Variants in CHD2 observed in about 807,000 individuals in gnomAD.
CHD2 encodes the protein chromodomain helicase DNA binding protein 2.
In CHD2, 28 loss-of-function variants were observed where a neutral mutation model predicts 243.9. The observed-to-expected ratio is 0.11, with a 90% CI of 0.09 to 0.16. The LOEUF (loss-of-function observed/expected upper bound fraction) is 0.16, where lower values mean the gene tolerates loss of function less well. CHD2 is among the 10% of genes least tolerant of loss of function. CHD2 has a pLI of 1.00. For missense variants in CHD2, 1,386 were observed against 2,209.8 expected (o/e 0.63, Z 7.47); for synonymous variants, 775 against 779.0 (o/e 0.99, Z 0.09).
chr15:92,974,706 G>A (rs2053884863), intron 19 of CHD2, 173 bp from the exon 20 acceptor site: 2 of 539,554 alleles, frequency 3.7e-6, no homozygotes, highest in Non-Finnish European at 6.7e-6. Context: ...AGCTCAGGTC[G>A]AGTAGGGTAG....
At chr15:92,962,704 C>G (rs1319951026) in intron 16 of CHD2, among the ~76,000 whole-genome samples, 1 of 152,078 alleles carries the variant, frequency 6.6e-6, no homozygotes, top group Non-Finnish European at 1.5e-5. Flanking sequence ...TTTCTAACTG[C>G]CAGTTTAGTT....
chr15:92,923,765 C>T (rs1298902126), intron 2 of CHD2, among the ~76,000 whole-genome samples: 2 of 151,910 alleles, frequency 1.3e-5, no homozygotes, highest in East Asian at 1.9e-4. Flanking sequence ...GGGGTTTCAC[C>T]GTGTGGTCCA....
Position 92,956,581 on chromosome 15 carries a change from T to A in CHD2, c.1932T>A (p.Ile644=). ...IDFKSNHRLL[I]TGTPLQNSLK... ...TCAAGTCCAACCATAGGCTCCTGAT[T>A]ACGGGGACCCCTCTTCAGAATTCCC... is the stretch of plus-strand genomic sequence containing the variant. Residue 644 remains isoleucine (I), a synonymous_variant, in exon 16 of 39, where the codon ATT becomes ATA. Transcript: ENST00000394196. 1 of 1,614,082 alleles carries A rather than the reference T, an allele frequency of 6.2e-7. No individual in the cohort carries two copies. The highest frequency in any genetic ancestry group is 1.1e-5 in the South Asian group (1 of 91,074).
At chr15:92,976,387 A>C (rs553398033) in intron 20 of CHD2, among the ~76,000 whole-genome samples, 1 of 152,202 alleles carries the variant, frequency 6.6e-6, no homozygotes, top group Non-Finnish European at 1.5e-5. Flanking sequence ...GAAAAAAACA[A>C]TTGTACCCCT....
At chr15:92,974,807 C>A in intron 19 of CHD2, 72 bp from the exon 20 acceptor site, 1 of 1,400,714 alleles carries the variant, frequency 7.1e-7, no homozygotes, top group South Asian at 1.2e-5. Context: ...ATAAAGGTTC[C>A]AAGTCTGCTG....
intron 15 of CHD2, 107 bp downstream of exon 15, chr15:92,955,619 T>C: frequency 4.5e-6 from 3 of 665,866 alleles, no homozygotes; most frequent in Non-Finnish European, 7.2e-6. Context: ...TACTTGAAAG[T>C]TAAAAATAAA....
At position 92,925,045 on chromosome 15, in the gene CHD2, C is replaced by G. The variant is rs562692044; in HGVS notation, c.294+493C>G. On this transcript the variant is annotated intron_variant, in intron 3 of 38. Coordinates refer to ENST00000394196, the MANE Select transcript of CHD2 (RefSeq NM_001271.4). Reference sequence around the variant, plus strand: ...TGAACTTCTGACCTCAGGTGATCCACCTGCCTCGGCCTCCCAAAGTGCTGG... The same window carrying G: ...TGAACTTCTGACCTCAGGTGATCCAGCTGCCTCGGCCTCCCAAAGTGCTGG... Among the ~76,000 whole-genome samples the G allele has an allele frequency of 2.0e-5, 3 of 152,276 alleles. No individual in the cohort carries two copies. In the East Asian group the frequency reaches 5.8e-4, roughly 29 times the overall value.
intron 3 of CHD2, among the ~76,000 whole-genome samples, chr15:92,926,404 A>G (rs1003944643): frequency 2.0e-5 from 3 of 152,184 alleles, no homozygotes; most frequent in Non-Finnish European, 4.4e-5. Flanking sequence ...AGCTTTTGCT[A>G]CTTGCTTAAT....
At chr15:92,960,895 C>T (rs976154471) in intron 16 of CHD2, among the ~76,000 whole-genome samples, 8 of 150,966 alleles carry the variant, frequency 5.3e-5, no homozygotes, top group South Asian at 2.1e-4. Context: ...TTGTATTTTT[C>T]GTAGAGACAG....
intron 37 of CHD2, among the ~76,000 whole-genome samples, chr15:93,019,174 T>TA (rs1392777713): frequency 1.3e-5 from 2 of 152,152 alleles, no homozygotes; most frequent in Non-Finnish European, 2.9e-5. Flanking sequence ...GTGTGCAGAA[T>TA]AGGGAAGAAT....
intron 2 of CHD2, chr15:92,902,339 A>G: frequency 2.5e-6 from 1 of 393,882 alleles, no homozygotes; most frequent in Non-Finnish European, 4.5e-6. Context: ...AGTACATATG[A>G]ATGCATTTTT....
intron 4 of CHD2, among the ~76,000 whole-genome samples, chr15:92,927,792 A>G (rs2053090776): frequency 6.6e-6 from 1 of 152,188 alleles, no homozygotes; most frequent in Admixed American, 6.5e-5. Flanking sequence ...AACTTCTTAA[A>G]TTTGGTTTCC....
chr15:92,906,521 A>C (rs114271229), intron 2 of CHD2, among the ~76,000 whole-genome samples: 1,666 of 152,296 alleles, frequency 0.011, 25 homozygotes, highest in African/African-American at 0.038. Flanking sequence ...ACTGACAGTT[A>C]TGAGAGACCT....
At chr15:92,975,441 G>T (rs2053895063) in intron 20 of CHD2, among the ~76,000 whole-genome samples, 1 of 152,116 alleles carries the variant, frequency 6.6e-6, no homozygotes, top group African/African-American at 2.4e-5. Flanking sequence ...ATTTTGTTTG[G>T]GGGGCACATA....
At chr15:93,015,084 T>A (rs914593049) in intron 37 of CHD2, among the ~76,000 whole-genome samples, 175 bp downstream of exon 37, 7 of 152,202 alleles carry the variant, frequency 4.6e-5, no homozygotes, top group Non-Finnish European at 1.0e-4. Flanking sequence ...CCAATTTTTT[T>A]TTTTGTTTGT....
At chr15:93,011,681 C>T (rs995746933) in intron 35 of CHD2, among the ~76,000 whole-genome samples, 2 of 152,196 alleles carry the variant, frequency 1.3e-5, no homozygotes. Context: ...CCTGTGCTTA[C>T]TCTTTCTAAA....
intron 1 of CHD2, among the ~76,000 whole-genome samples, 169 bp from the exon 2 acceptor site, chr15:92,900,998 G>A (rs952348130): frequency 1.3e-5 from 2 of 149,830 alleles, no homozygotes; most frequent in East Asian, 1.9e-4. Context: ...TCCACTGTTC[G>A]GTTTATCCTG....
chr15:92,919,710 C>T (rs1002777956), intron 2 of CHD2, among the ~76,000 whole-genome samples: 27 of 152,140 alleles, frequency 1.8e-4, no homozygotes, highest in African/African-American at 6.0e-4. Flanking sequence ...TTTTTAAAAA[C>T]ACTCATTCAA....
intron 16 of CHD2, among the ~76,000 whole-genome samples, chr15:92,960,107 C>T (rs2053665989): frequency 6.6e-6 from 1 of 151,980 alleles, no homozygotes; most frequent in African/African-American, 2.4e-5. Context: ...TCTTTTAATT[C>T]TGACTATATT....
Sources: allele counts gnomAD v4.1 joint callset (sites outside exome capture counted in the v4.1 genomes callset), GRCh38; gene constraint gnomAD v4.1.1; transcripts MANE v1.5; gene names NCBI Gene and HGNC (gene_info 2026-07-23, HGNC 2026-07-21).